The following SAMD13 variants were observed in gnomAD, a reference collection of about 807,000 sequenced individuals.
SAMD13 encodes the protein sterile alpha motif domain containing 13.
Under a neutral mutation model 12.4 loss-of-function variants are expected in SAMD13, and 9 were observed. That is an observed-to-expected ratio of 0.72 (90% CI 0.44 to 1.26). The LOEUF (loss-of-function observed/expected upper bound fraction) is 1.26, where lower values mean the gene tolerates loss of function less well. Among genes scored for constraint, SAMD13 ranks in the 50% most tolerant of loss-of-function variants. SAMD13 has a pLI of 0.00. For missense variants in SAMD13, 84 were observed against 119.6 expected (o/e 0.70, Z 1.39); for synonymous variants, 46 against 45.4 (o/e 1.01, Z -0.05).
chr1:84,322,801 C>G (rs532640433), intron 2 of SAMD13, among the ~76,000 whole-genome samples: 9 of 152,106 alleles, frequency 5.9e-5, no homozygotes, highest in African/African-American at 1.9e-4. Context: ...ACACTGCCAG[C>G]AGTTTTACAA....
rs2101825183 is a variant in SAMD13 at position 84,349,708 on chromosome 1, T to C, written c.243T>C (p.Ala81=). 6.2e-7 allele frequency: 1 copy of C among 1,613,982 alleles called. No homozygotes were observed. The highest frequency in any genetic ancestry group is 2.2e-5 in the East Asian group (1 of 44,852). Residue 81 remains alanine (A), a synonymous_variant, in exon 4 of 4, where the codon GCT becomes GCC. Transcript: ENST00000394834. ...LTGLQLKLGP[A]LKIYEYHVKP... ...GACTTCAGTTAAAATTGGGGCCTGC[T>C]CTGAAAATCTACGAATATCATGTAA... is the stretch of plus-strand genomic sequence containing the variant.
At chr1:84,341,740 A>G (rs315530) in intron 3 of SAMD13, among the ~76,000 whole-genome samples, 147,040 of 152,172 alleles carry the variant, frequency 0.97, 71,147 homozygotes, top group Non-Finnish European at 1. Context: ...TTTAATGAGA[A>G]TGAGGAGTGA....
chr1:84,331,354 A>AAAAAAAAATAC lies in SAMD13; in HGVS notation c.165+5610_165+5611insAAAATACAAAA, dbSNP rs553761794. ...AAAAAAAAAAAAAAAAAAAAAAAAA[A>AAAAAAAAATAC]AAAATTATGGATACAAACTTGTTAA... On this transcript the variant is annotated intron_variant, in intron 3 of 3. Transcript: ENST00000394834. Among the ~76,000 whole-genome samples the AAAAAAAAATAC allele has an allele frequency of 1.4e-3, 113 of 82,454 alleles. 28 individuals carry two copies. Among genetic ancestry groups the AAAAAAAAATAC allele is most frequent in the South Asian group, 0.011 (25 of 2,336 alleles). The allele number at this position is 82,454 out of a possible 152,430, so 54.1% of individuals were successfully genotyped here.
intron 3 of SAMD13, among the ~76,000 whole-genome samples, chr1:84,333,046 C>T (rs1558457527): frequency 6.6e-6 from 1 of 152,074 alleles, no homozygotes. Context: ...TATAGATGTA[C>T]AGCTTTATTT....
chr1:84,338,311 C>T (rs1679346878), intron 3 of SAMD13, among the ~76,000 whole-genome samples: 1 of 151,992 alleles, frequency 6.6e-6, no homozygotes, highest in South Asian at 2.1e-4. Flanking sequence ...ATTGGACTTA[C>T]AGTTCCACAT....
At chr1:84,337,161 G>C (rs1024291373) in intron 3 of SAMD13, among the ~76,000 whole-genome samples, 1 of 152,182 alleles carries the variant, frequency 6.6e-6, no homozygotes, top group African/African-American at 2.4e-5. Flanking sequence ...GGTGCAAGCT[G>C]TCAGTGGATC....
At chr1:84,328,573 A>G (rs748533286) in intron 3 of SAMD13, among the ~76,000 whole-genome samples, 33 of 152,218 alleles carry the variant, frequency 2.2e-4, no homozygotes, top group Non-Finnish European at 4.0e-4. Context: ...CAGGCTTAGG[A>G]TGGTAAGATA....
At chr1:84,327,884 A>G (rs1001080559) in intron 3 of SAMD13, among the ~76,000 whole-genome samples, 1 of 152,182 alleles carries the variant, frequency 6.6e-6, no homozygotes, top group African/African-American at 2.4e-5. Context: ...TGATGGAAAA[A>G]ACTGCTCAGG....
intron 2 of SAMD13, among the ~76,000 whole-genome samples, chr1:84,305,490 T>C (rs1260704949): frequency 6.6e-6 from 1 of 152,110 alleles, no homozygotes; most frequent in Non-Finnish European, 1.5e-5. Context: ...AGTATCAAAG[T>C]TTTTAAATTT....
At chr1:84,326,269 C>T (rs939334291) in intron 3 of SAMD13, among the ~76,000 whole-genome samples, 3 of 152,108 alleles carry the variant, frequency 2.0e-5, no homozygotes, top group African/African-American at 4.8e-5. Flanking sequence ...ACCCTAGGCA[C>T]GTTACTATGT....
intron 3 of SAMD13, among the ~76,000 whole-genome samples, chr1:84,326,394 T>C (rs1253120388): frequency 6.6e-6 from 1 of 152,184 alleles, no homozygotes; most frequent in Non-Finnish European, 1.5e-5. Context: ...GGTTCTGGCA[T>C]AGTGTTGATA....
intron 2 of SAMD13, among the ~76,000 whole-genome samples, chr1:84,315,779 T>C (rs1678820394): frequency 6.6e-6 from 1 of 152,208 alleles, no homozygotes. Context: ...TTTAATTTCT[T>C]GAGGAATCTA....
chr1:84,336,016 A>G (rs554550204), intron 3 of SAMD13, among the ~76,000 whole-genome samples: 1 of 152,096 alleles, frequency 6.6e-6, no homozygotes, highest in South Asian at 2.1e-4. Flanking sequence ...TCTGATGACT[A>G]TGTGTCTAGG....
intron 2 of SAMD13, among the ~76,000 whole-genome samples, chr1:84,309,337 G>T (rs138208245): frequency 1.3e-5 from 2 of 152,140 alleles, no homozygotes; most frequent in South Asian, 2.1e-4. Context: ...CCTGGTTCTT[G>T]TGTCGTTGCT....
intron 3 of SAMD13, 34 bp from the exon 4 acceptor site, chr1:84,349,597 C>T (rs764220538): frequency 2.5e-6 from 4 of 1,602,194 alleles, no homozygotes; most frequent in African/African-American, 2.7e-5. Context: ...CTTTTGGACT[C>T]ACATGTTGGC....
At chr1:84,308,999 C>T (rs990597951) in intron 2 of SAMD13, among the ~76,000 whole-genome samples, 2 of 152,110 alleles carry the variant, frequency 1.3e-5, no homozygotes, top group African/African-American at 4.8e-5. Flanking sequence ...TAATTTCTCT[C>T]TGCGTCAGTT....
intron 2 of SAMD13, among the ~76,000 whole-genome samples, chr1:84,322,203 G>A (rs1678960886): frequency 6.6e-6 from 1 of 152,052 alleles, no homozygotes; most frequent in Admixed American, 6.6e-5. Flanking sequence ...TTGAGGGCAG[G>A]GACTATGCAT....
At chr1:84,299,046 G>C (rs1572683411), upstream of SAMD13, among the ~76,000 whole-genome samples, 1 of 152,148 alleles carries the variant, frequency 6.6e-6, no homozygotes. Context: ...AGGCAGCCTG[G>C]CGTCTTCTGC....
At chr1:84,299,115 C>T (rs965387158), upstream of SAMD13, among the ~76,000 whole-genome samples, 14 of 152,012 alleles carry the variant, frequency 9.2e-5, no homozygotes, top group East Asian at 1.9e-4. Context: ...ATTCCCGGCT[C>T]GGTGAGGTCG....
Sources: gnomAD v4.1 joint callset for allele counts (sites outside exome capture counted in the v4.1 genomes callset) on GRCh38, gnomAD v4.1.1 for gene constraint, MANE v1.5 for transcripts, NCBI Gene and HGNC (gene_info 2026-07-23, HGNC 2026-07-21) for gene names.